Variants in BCAR3 observed in about 807,000 individuals in gnomAD.
BCAR3 encodes BCAR3 adaptor protein, NSP family member.
In BCAR3, 37 loss-of-function variants were observed where a neutral mutation model predicts 80.1. That is an observed-to-expected ratio of 0.46 (90% CI 0.36 to 0.61). The LOEUF (loss-of-function observed/expected upper bound fraction) is 0.61, where lower values mean the gene tolerates loss of function less well. Among genes scored for constraint, BCAR3 ranks in the 20% least tolerant of loss-of-function variants. The probability of loss-of-function intolerance (pLI) is 0.00; values close to 1 mark genes in which losing one functional copy is unlikely to be tolerated. For missense variants in BCAR3, 978 were observed against 1,068.2 expected (o/e 0.92, Z 1.18); for synonymous variants, 389 against 418.9 (o/e 0.93, Z 0.87).
intron 2 of BCAR3, among the ~76,000 whole-genome samples, chr1:93,645,604 A>G (rs2101913732): frequency 6.6e-6 from 1 of 151,526 alleles, no homozygotes; most frequent in Non-Finnish European, 1.5e-5. Context: ...TACTTATTTC[A>G]TGGCTAAAGT....
intron 2 of BCAR3, among the ~76,000 whole-genome samples, chr1:93,813,572 A>C (rs1227404418): frequency 6.6e-6 from 1 of 152,160 alleles, no homozygotes; most frequent in Non-Finnish European, 1.5e-5. Context: ...TATTGCTTTC[A>C]TTGTGCTCCA....
chr1:93,622,169 G>C (rs1338694339), intron 3 of BCAR3, among the ~76,000 whole-genome samples: 1 of 152,204 alleles, frequency 6.6e-6, no homozygotes, highest in Non-Finnish European at 1.5e-5. Context: ...AAAGTGCTGG[G>C]ATTACAGGCG....
At chr1:93,634,587 T>C (rs1675719732) in intron 3 of BCAR3, among the ~76,000 whole-genome samples, 1 of 151,918 alleles carries the variant, frequency 6.6e-6, no homozygotes, top group Non-Finnish European at 1.5e-5. Flanking sequence ...CCCAGCTACT[T>C]GGGAAGCTGA....
intron 1 of BCAR3, chr1:93,846,993 G>A (rs1655232402): frequency 5.4e-6 from 1 of 186,830 alleles, no homozygotes; most frequent in Non-Finnish European, 1.0e-5. Context: ...CTCGCGCGCA[G>A]GTCCAGCCGC....
intron 2 of BCAR3, among the ~76,000 whole-genome samples, chr1:93,771,571 G>A (rs1652357090): frequency 6.6e-6 from 1 of 152,188 alleles, no homozygotes; most frequent in Admixed American, 6.5e-5. Context: ...ATTTGGAATA[G>A]GTAAATACCT....
intron 3 of BCAR3, among the ~76,000 whole-genome samples, chr1:93,704,596 CATT>C (rs1342681597): frequency 6.6e-6 from 1 of 152,088 alleles, no homozygotes. Context: ...GTCAGGGGTG[CATT>C]ATGAATGCCC....
intron 2 of BCAR3, among the ~76,000 whole-genome samples, chr1:93,673,357 G>A (rs1648311313): frequency 6.6e-6 from 1 of 152,240 alleles, no homozygotes; most frequent in South Asian, 2.1e-4. Context: ...CTGCTAGAAT[G>A]TTTTCAATGC....
chr1:93,629,166 C>T (rs902174016), intron 3 of BCAR3, among the ~76,000 whole-genome samples: 4 of 152,194 alleles, frequency 2.6e-5, no homozygotes, highest in Admixed American at 1.3e-4. Context: ...TCTCTTTTCC[C>T]ATTCAAGCAA....
chr1:93,568,374 G>A (rs774642006), intron 9 of BCAR3, among the ~76,000 whole-genome samples: 1 of 152,122 alleles, frequency 6.6e-6, no homozygotes, highest in Non-Finnish European at 1.5e-5. Flanking sequence ...CTGCTTGTGC[G>A]TGTGTGTTTC....
intron 2 of BCAR3, among the ~76,000 whole-genome samples, chr1:93,780,434 T>G (rs141542866): frequency 1.5e-3 from 234 of 152,310 alleles, no homozygotes; most frequent in African/African-American, 5.3e-3. Context: ...TCTGTCACAT[T>G]TCCTTGGCTT....
intron 2 of BCAR3, among the ~76,000 whole-genome samples, chr1:93,707,381 T>C (rs1303494079): frequency 1.3e-5 from 2 of 152,126 alleles, no homozygotes; most frequent in Non-Finnish European, 2.9e-5. Context: ...ATGCAGTAGA[T>C]ATGCAAAATC....
At chr1:93,808,340 C>T (rs915086886) in intron 2 of BCAR3, among the ~76,000 whole-genome samples, 16 of 152,066 alleles carry the variant, frequency 1.1e-4, no homozygotes, top group Non-Finnish European at 1.5e-4. Context: ...CAGAAAAAAA[C>T]CACAGATTCT....
intron 3 of BCAR3, among the ~76,000 whole-genome samples, chr1:93,594,967 A>C (rs1674363916): frequency 6.6e-6 from 1 of 152,178 alleles, no homozygotes; most frequent in African/African-American, 2.4e-5. Flanking sequence ...TCAATCTTTT[A>C]TTCCAGGTTT....
intron 9 of BCAR3, among the ~76,000 whole-genome samples, chr1:93,568,708 C>G (rs1284289717): frequency 1.3e-5 from 2 of 152,132 alleles, no homozygotes; most frequent in Non-Finnish European, 2.9e-5. Flanking sequence ...CACACCCATT[C>G]CTTGCCTCAA....
At chr1:93,671,416 T>TA (rs1648197406) in intron 2 of BCAR3, among the ~76,000 whole-genome samples, 1 of 152,110 alleles carries the variant, frequency 6.6e-6, no homozygotes, top group Admixed American at 6.6e-5. Context: ...CTGAGCAAGA[T>TA]AGAGGAGGCA....
intron 6 of BCAR3, among the ~76,000 whole-genome samples, chr1:93,583,532 C>T (rs1055525694): frequency 6.6e-6 from 1 of 152,080 alleles, no homozygotes; most frequent in Non-Finnish European, 1.5e-5. Flanking sequence ...CTTAGTAGGT[C>T]TCCCCATACC....
intron 2 of BCAR3, among the ~76,000 whole-genome samples, chr1:93,717,740 A>G (rs1300754173): frequency 2.6e-5 from 4 of 151,340 alleles, no homozygotes; most frequent in African/African-American, 7.3e-5. Flanking sequence ...AAAAAAAAGA[A>G]TTGGAGATAA....
At chr1:93,602,326 G>T (rs1326991189) in intron 3 of BCAR3, 1 of 152,250 alleles carries the variant, frequency 6.6e-6, no homozygotes, top group Non-Finnish European at 1.5e-5. Flanking sequence ...GGGTTGGGCT[G>T]TGAACTGTAC....
chr1:93,819,750 T>A (rs61782406), intron 2 of BCAR3, among the ~76,000 whole-genome samples: 63 of 152,172 alleles, frequency 4.1e-4, no homozygotes, highest in Admixed American at 1.1e-3. Context: ...TCCAGTTATT[T>A]ATTTATTTAT....
Sources: allele counts gnomAD v4.1 joint callset (sites outside exome capture counted in the v4.1 genomes callset), GRCh38; gene constraint gnomAD v4.1.1; transcripts MANE v1.5; gene names NCBI Gene and HGNC (gene_info 2026-07-23, HGNC 2026-07-21).